Variants in PLEKHG4B observed in about 807,000 individuals in gnomAD.
PLEKHG4B encodes the protein pleckstrin homology domain-containing family G member 4B.
In PLEKHG4B, 111 loss-of-function variants were observed where a neutral mutation model predicts 121.3. The observed-to-expected ratio is 0.92, with a 90% CI of 0.78 to 1.07. The LOEUF is 1.07. Among genes scored for constraint, PLEKHG4B ranks in the 50% least tolerant of loss-of-function variants. PLEKHG4B has a pLI of 0.00. For missense variants in PLEKHG4B, 1,831 were observed against 1,757.8 expected, an observed-to-expected ratio of 1.04 and a Z score of -0.74; for synonymous variants, 738 against 725.0, an observed-to-expected ratio of 1.02 and a Z score of -0.29.
intron 3 of PLEKHG4B, 142 bp from the exon 4 acceptor site, chr5:142,905 T>G: frequency 1.3e-6 from 1 of 789,780 alleles, no homozygotes; most frequent in Non-Finnish European, 2.1e-6. Context: ...TCACTTCCCG[T>G]GTGAACTGGG....
chr5:163,460 AG>A lies in PLEKHG4B; in HGVS notation c.3390del (p.Ser1131AlafsTer32). On this transcript the variant is annotated frameshift_variant, in exon 13 of 20. Transcript: ENST00000637938. LOFTEE classifies it high-confidence loss of function. Reference sequence around the variant, plus strand: ...GAAGCTCCCGCTGTGGCAGCATGCCAGGAGCCCCCCGGTCACTCAGAGCCGG... The same window carrying A: ...GAAGCTCCCGCTGTGGCAGCATGCCAGAGCCCCCCGGTCACTCAGAGCCGG... Reference protein sequence around the residue: ...EKKLPLWQHARSPPVTQSRSL... With the variant: ...EKKLPLWQHAXSPPVTQSRSL... 6.2e-7 allele frequency: 1 copy of A among 1,612,884 alleles called. No homozygotes were observed. The highest frequency in any genetic ancestry group is 8.5e-7 in the Non-Finnish European group (1 of 1,180,014).
rs533596601 is a variant in PLEKHG4B at position 92,732 on chromosome 5, G to A, written c.45+456G>A. Among the ~76,000 whole-genome samples the A allele has an allele frequency of 7.2e-5, 11 of 152,078 alleles. 1 individual carries two copies. In the South Asian group the frequency reaches 2.3e-3, roughly 32 times the overall value. The stretch of plus-strand genomic sequence containing the variant: ...CTCTCGGTGCCTGAAGGGGAGCCAG[G>A]GGAGGGGAGTCTGAAATCTCATCGC... On this transcript the variant is annotated intron_variant, in intron 1 of 19. Coordinates refer to ENST00000637938, the MANE Select transcript of PLEKHG4B (RefSeq NM_052909.5).
intron 3 of PLEKHG4B, 81 bp downstream of exon 3, chr5:140,797 C>T: frequency 8.2e-7 from 1 of 1,225,562 alleles, no homozygotes; most frequent in Non-Finnish European, 1.1e-6. Context: ...CACACCCCAC[C>T]CCCTTCCCTA....
At chr5:93,691 C>T (rs777774010) in intron 1 of PLEKHG4B, among the ~76,000 whole-genome samples, 8 of 152,178 alleles carry the variant, frequency 5.3e-5, no homozygotes, top group Admixed American at 6.5e-5. Flanking sequence ...CGCTGCTGGC[C>T]TTTCTGGGGG....
chr5:115,625 AG>A (rs1445362619), intron 2 of PLEKHG4B, among the ~76,000 whole-genome samples: 2 of 152,244 alleles, frequency 1.3e-5, no homozygotes, highest in Non-Finnish European at 2.9e-5. Flanking sequence ...CAATGGTCTT[AG>A]CCAGATCTTC....
intron 18 of PLEKHG4B, among the ~76,000 whole-genome samples, chr5:180,470 C>T (rs1177789479): frequency 1.3e-5 from 2 of 152,238 alleles, no homozygotes; most frequent in Non-Finnish European, 2.9e-5. Context: ...GCTCTCTGCT[C>T]ATCGGCCACC....
At chr5:135,820 T>C (rs2126390730) in intron 2 of PLEKHG4B, among the ~76,000 whole-genome samples, 1 of 148,716 alleles carries the variant, frequency 6.7e-6, no homozygotes, top group African/African-American at 2.5e-5. Flanking sequence ...AAAGCCCATC[T>C]TAAAACTCAA....
At chr5:131,341 A>G (rs1028977470) in intron 2 of PLEKHG4B, among the ~76,000 whole-genome samples, 2 of 152,090 alleles carry the variant, frequency 1.3e-5, no homozygotes, top group African/African-American at 2.4e-5. Flanking sequence ...ATTCCCACCT[A>G]TGACAGGGAA....
intron 18 of PLEKHG4B, 71 bp downstream of exon 18, chr5:174,169 CT>C: frequency 1.3e-6 from 1 of 756,094 alleles, no homozygotes; most frequent in Non-Finnish European, 1.7e-6. Context: ...GGGGCTGGGA[CT>C]GGGGTGAGAG....
chr5:97,096 T>G (rs761562873), intron 1 of PLEKHG4B, among the ~76,000 whole-genome samples: 7 of 151,908 alleles, frequency 4.6e-5, no homozygotes, highest in Non-Finnish European at 1.0e-4. Context: ...ATTTTCCTCA[T>G]TCCAAAGTCA....
chr5:170,570 G>A (rs926398157), intron 14 of PLEKHG4B, among the ~76,000 whole-genome samples: 1 of 152,198 alleles, frequency 6.6e-6, no homozygotes, highest in Admixed American at 6.5e-5. Flanking sequence ...AAAGTGCTGG[G>A]ATTACAGGTG....
intron 16 of PLEKHG4B, among the ~76,000 whole-genome samples, chr5:171,985 C>T (rs1736569380): frequency 1.3e-5 from 2 of 152,194 alleles, no homozygotes; most frequent in Admixed American, 1.3e-4. Flanking sequence ...TGCCCCAAAC[C>T]CCAGATGCCC....
chr5:98,077 A>G (rs1001741171), intron 1 of PLEKHG4B, among the ~76,000 whole-genome samples: 1 of 151,856 alleles, frequency 6.6e-6, no homozygotes, highest in Non-Finnish European at 1.5e-5. Context: ...GTTTATCTAT[A>G]TTTTCTTTTG....
intron 13 of PLEKHG4B, among the ~76,000 whole-genome samples, chr5:164,669 AATACTCTGACAGGGGGCGGAGCT>A (rs1736205964): frequency 7.8e-6 from 1 of 127,622 alleles, no homozygotes; most frequent in Non-Finnish European, 1.7e-5. Flanking sequence ...AGCTCACACT[AATACTCTGACAGGGGGCGGAGCT>A]CACACTAATG....
intron 1 of PLEKHG4B, among the ~76,000 whole-genome samples, chr5:96,786 G>A (rs529805487): frequency 6.6e-6 from 1 of 152,278 alleles, no homozygotes; most frequent in East Asian, 1.9e-4. Flanking sequence ...AAAGCATAGG[G>A]AAGGGGGTTG....
At chr5:107,253 C>T (rs976432493) in intron 1 of PLEKHG4B, among the ~76,000 whole-genome samples, 1 of 152,208 alleles carries the variant, frequency 6.6e-6, no homozygotes, top group African/African-American at 2.4e-5. Flanking sequence ...TGGACAGGGC[C>T]TACTTGATGT....
Position 176,113 on chromosome 5 carries a change from G to A in PLEKHG4B, c.4402+2015G>A, listed in dbSNP as rs1273117311. On this transcript the variant is annotated intron_variant, in intron 18 of 19. Coordinates refer to ENST00000637938, the MANE Select transcript of PLEKHG4B (RefSeq NM_052909.5). ...CAGACACAGGGGGCCCCATGGCGTCGCCACAGGCTCCCCCTCTGGCCCCCA... is the reference window on the plus strand; with the variant it reads ...CAGACACAGGGGGCCCCATGGCGTCACCACAGGCTCCCCCTCTGGCCCCCA... 2.5e-5 allele frequency among the ~76,000 whole-genome samples: 3 copies of A among 118,224 alleles called. 1 individual carries two copies. The highest frequency in any genetic ancestry group is 4.3e-5 in the Non-Finnish European group (2 of 46,826). The allele number at this position is 118,224 out of a possible 152,430, so 77.6% of individuals were successfully genotyped here. A position where few individuals can be genotyped will look rare whatever the true frequency, so the allele number is the denominator to read the frequency against.
intron 2 of PLEKHG4B, among the ~76,000 whole-genome samples, chr5:121,977 G>C (rs1007832436): frequency 2.6e-5 from 4 of 151,838 alleles, no homozygotes; most frequent in Non-Finnish European, 5.9e-5. Context: ...TGTATCATGG[G>C]GTTTTTAATC....
At chr5:120,529 G>A (rs969270441) in intron 2 of PLEKHG4B, among the ~76,000 whole-genome samples, 1 of 152,168 alleles carries the variant, frequency 6.6e-6, no homozygotes, top group Non-Finnish European at 1.5e-5. Context: ...GAAGTCTGAG[G>A]CTGGGCTGAA....
Sources: gnomAD v4.1 joint callset for allele counts (sites outside exome capture counted in the v4.1 genomes callset) on GRCh38, gnomAD v4.1.1 for gene constraint, MANE v1.5 for transcripts, NCBI Gene and HGNC (gene_info 2026-07-23, HGNC 2026-07-21) for gene names.